EYS: variants seen among roughly 807,000 people sequenced by gnomAD.
The protein encoded by EYS is EGF-like photoreceptor maintenance factor, also known as protein eyes shut homolog.
A neutral mutation model predicts 282.1 loss-of-function variants in EYS; 250 were observed. That is an observed-to-expected ratio of 0.89 (90% CI 0.80 to 0.98). The LOEUF (loss-of-function observed/expected upper bound fraction) is 0.98, where lower values mean the gene tolerates loss of function less well. Ranked by LOEUF, EYS falls within the 50% of genes least tolerant of loss-of-function variation. The pLI, the probability that EYS is intolerant of heterozygous loss-of-function variation, is 0.00. For synonymous variants in EYS, 1,355 were observed against 1,282.9 expected (o/e 1.06, Z -1.20); for missense variants, 4,016 against 3,709.0 (o/e 1.08, Z -2.15).
intron 12 of EYS, among the ~76,000 whole-genome samples, chr6:65,095,785 A>G (rs1774721517): frequency 6.6e-6 from 1 of 151,180 alleles, no homozygotes; most frequent in Admixed American, 6.6e-5. Flanking sequence ...CTATGCATAG[A>G]CGGAATTTAA....
chr6:65,321,511 TAATG>T lies in EYS; in HGVS notation c.1766+13465_1766+13468del, dbSNP rs375187056. On this transcript the variant is annotated intron_variant, in intron 11 of 42. Coordinates refer to ENST00000503581, the MANE Select transcript of EYS (RefSeq NM_001142800.2). ...GGAACAGACAAAATGGAAAAAGACT[TAATG>T]AAGAAGATAATATCCTCAAGTTTTG... 1.4e-4 allele frequency among the ~76,000 whole-genome samples: 21 copies of T among 152,194 alleles called. No individual in the cohort carries two copies. The East Asian group carries it at 3.5e-3, about 25-fold the overall frequency.
intron 36 of EYS, among the ~76,000 whole-genome samples, chr6:63,840,048 C>CTT (rs530439771): frequency 2.1e-4 from 26 of 124,544 alleles, no homozygotes; most frequent in Non-Finnish European, 2.9e-4. Flanking sequence ...TTGCCCATTT[C>CTT]TTTTTTTTTT....
rs78342842 is a variant in EYS, at chr6:65,500,265, G to A, written c.-332-4272C>T. ...AGGCATAGGATTAAACAAAGCGGCT[G>A]AGGCAAAAGATGATAAACAATCCTG... is the stretch of plus-strand genomic sequence containing the variant. On this transcript the variant is annotated intron_variant, in intron 2 of 42. Coordinates refer to ENST00000503581, the MANE Select transcript of EYS (RefSeq NM_001142800.2). Among the ~76,000 whole-genome samples, 692 of 152,112 alleles carry A rather than the reference G, an allele frequency of 4.5e-3. 2 individuals carry two copies. The highest frequency in any genetic ancestry group is 0.011 in the South Asian group (52 of 4,832).
At chr6:64,607,274 A>G (rs988631570) in intron 24 of EYS, among the ~76,000 whole-genome samples, 1 of 152,052 alleles carries the variant, frequency 6.6e-6, no homozygotes, top group African/African-American at 2.4e-5. Context: ...CCATGTGAAG[A>G]AAAGAAGTTT....
Position 64,082,006 on chromosome 6 carries a change from AAAAAG to A in EYS, c.6425-9_6425-5del. ...GATGGAAAGAATAAACCTGCATCTA[AAAAAG>A]AAAATGGTATTAATATGTTCTGATA... On this transcript the variant is annotated splice_region_variant and splice_polypyrimidine_tract_variant and intron_variant, in intron 31 of 42. Transcript: ENST00000503581. 6.6e-7 allele frequency: 1 copy of A among 1,526,318 alleles called. No individual in the cohort carries two copies. The highest frequency in any genetic ancestry group is 8.9e-7 in the Non-Finnish European group (1 of 1,127,374). 94.5% of individuals were successfully genotyped at this position (1,526,318 alleles called of 1,614,324 possible). A position where few individuals can be genotyped will look rare whatever the true frequency, so the allele number is the denominator to read the frequency against.
intron 13 of EYS, among the ~76,000 whole-genome samples, chr6:65,056,962 T>C (rs913645924): frequency 1.3e-5 from 2 of 151,998 alleles, no homozygotes; most frequent in African/African-American, 4.8e-5. Flanking sequence ...TCATAAGTAA[T>C]TATAAGATAC....
At chr6:65,314,230 AC>A (rs964132857) in intron 11 of EYS, among the ~76,000 whole-genome samples, 11 of 143,974 alleles carry the variant, frequency 7.6e-5, no homozygotes, top group Non-Finnish European at 1.2e-4. Context: ...TAAAATCGAA[AC>A]CCCCCCTCCA....
At chr6:64,642,185 C>T (rs747486139) in intron 22 of EYS, among the ~76,000 whole-genome samples, 40 of 152,078 alleles carry the variant, frequency 2.6e-4, no homozygotes, top group Non-Finnish European at 5.3e-4. Flanking sequence ...TATTGTTTGT[C>T]CATTAGTCAG....
At chr6:65,145,846 T>A (rs1300243889) in intron 12 of EYS, among the ~76,000 whole-genome samples, 1 of 151,972 alleles carries the variant, frequency 6.6e-6, no homozygotes, top group Non-Finnish European at 1.5e-5. Flanking sequence ...TGATTTATAA[T>A]CAACAGAATT....
chr6:65,225,285 G>C (rs577936404), intron 12 of EYS, among the ~76,000 whole-genome samples: 27 of 149,212 alleles, frequency 1.8e-4, no homozygotes, highest in Non-Finnish European at 3.6e-4. Flanking sequence ...GAAAATATTT[G>C]AATCTATAAT....
intron 13 of EYS, among the ~76,000 whole-genome samples, chr6:65,012,624 G>A (rs1437017471): frequency 6.6e-6 from 1 of 152,020 alleles, no homozygotes; most frequent in Non-Finnish European, 1.5e-5. Context: ...CAAAAGCCAA[G>A]TGTCCCTGTG....
At chr6:64,952,618 C>G (rs1414914236) in intron 14 of EYS, among the ~76,000 whole-genome samples, 1 of 151,912 alleles carries the variant, frequency 6.6e-6, no homozygotes, top group East Asian at 1.9e-4. Context: ...CCATACTTTC[C>G]AAGTTTTATC....
Position 64,850,694 on chromosome 6 carries a change from GT to G in EYS, c.2993-27873del, listed in dbSNP as rs546797694. Among the ~76,000 whole-genome samples the G allele has an allele frequency of 6.6e-4, 101 of 152,134 alleles. 2 individuals carry two copies. In the South Asian group the frequency reaches 0.021, roughly 32 times the overall value. On this transcript the variant is annotated intron_variant, in intron 19 of 42. Transcript: ENST00000503581. ...TGAAAGCCACTAAAGTTTTTTAAAA[GT>G]TTTTTAAGCATGAAGGTAACATAAT... is the stretch of plus-strand genomic sequence containing the variant.
intron 5 of EYS, among the ~76,000 whole-genome samples, chr6:65,457,468 G>C (rs1764669153): frequency 6.6e-6 from 1 of 152,024 alleles, no homozygotes; most frequent in East Asian, 1.9e-4. Flanking sequence ...CCTGGCCAAA[G>C]GTTCTCTTTC....
intron 22 of EYS, among the ~76,000 whole-genome samples, chr6:64,628,892 T>G (rs891923826): frequency 6.6e-6 from 1 of 152,226 alleles, no homozygotes; most frequent in Admixed American, 6.5e-5. Context: ...TCATAGACTA[T>G]GTATCCAGTT....
Position 64,125,153 on chromosome 6 carries a change from T to TCTCTCTCTCTCTCTCTCTCTCTCTCTC in EYS, c.6425-43152_6425-43151insGAGAGAGAGAGAGAGAGAGAGAGAGAG, listed in dbSNP as rs1562213531. ...GTCAAACACACACACACACACTCTCTGTCTCTCTCTCTCTCTCTCTCTCGC... is the reference window on the plus strand; with the variant it reads ...GTCAAACACACACACACACACTCTCTCTCTCTCTCTCTCTCTCTCTCTCTCTCGTCTCTCTCTCTCTCTCTCTCTCGC... On this transcript the variant is annotated intron_variant, in intron 31 of 42. Transcript: ENST00000503581. Among the ~76,000 whole-genome samples the TCTCTCTCTCTCTCTCTCTCTCTCTCTC allele has an allele frequency of 9.4e-5, 14 of 149,010 alleles. 1 individual carries two copies. The highest frequency in any genetic ancestry group is 3.6e-4 in the African/African-American group (14 of 38,648).
intron 31 of EYS, among the ~76,000 whole-genome samples, chr6:64,204,047 G>T (rs1765548978): frequency 6.6e-6 from 1 of 151,988 alleles, no homozygotes; most frequent in South Asian, 2.1e-4. Context: ...GACTATATAT[G>T]AAAATAAACT....
chr6:63,855,104 TAG>T (rs1233413521), intron 36 of EYS, among the ~76,000 whole-genome samples: 2 of 152,340 alleles, frequency 1.3e-5, no homozygotes, highest in South Asian at 4.1e-4. Flanking sequence ...CAGGAATTCT[TAG>T]AGTTTTTACT....
At chr6:63,831,215 A>G (rs916828493) in intron 36 of EYS, among the ~76,000 whole-genome samples, 13 of 152,354 alleles carry the variant, frequency 8.5e-5, no homozygotes, top group East Asian at 1.9e-4. Flanking sequence ...CACACATAAC[A>G]ATATTAACCT....
Sources: allele counts gnomAD v4.1 joint callset (sites outside exome capture counted in the v4.1 genomes callset), GRCh38; gene constraint gnomAD v4.1.1; transcripts MANE v1.5; gene names NCBI Gene and HGNC (gene_info 2026-07-23, HGNC 2026-07-21).